PTH2R: variants seen among roughly 807,000 people sequenced by gnomAD.
The protein encoded by PTH2R is parathyroid hormone 2 receptor, also known as PTH2 receptor.
In PTH2R, 59 loss-of-function variants were observed where a neutral mutation model predicts 60.3. The ratio of observed to expected loss-of-function variants is 0.98; its 90% CI spans 0.79 to 1.22. The LOEUF is 1.22. Ranked by LOEUF, PTH2R falls within the 50% of genes most tolerant of loss-of-function variation. The pLI is 0.00. For synonymous variants in PTH2R, 256 were observed against 243.8 expected (o/e 1.05, Z -0.47); for missense variants, 749 against 682.6 (o/e 1.10, Z -1.08).
intron 1 of PTH2R, among the ~76,000 whole-genome samples, chr2:208,374,816 T>A (rs1700765250): frequency 6.6e-6 from 1 of 152,040 alleles, no homozygotes; most frequent in African/African-American, 2.4e-5. Flanking sequence ...CAAATGACAT[T>A]TATTTTTAAA....
At chr2:208,377,523 G>C (rs1184610526) in intron 1 of PTH2R, among the ~76,000 whole-genome samples, 1 of 148,486 alleles carries the variant, frequency 6.7e-6, no homozygotes, top group Non-Finnish European at 1.5e-5. Context: ...CCTCCCAGAC[G>C]GGGCGGCTGG....
intron 1 of PTH2R, among the ~76,000 whole-genome samples, chr2:208,364,540 G>A (rs1158397860): frequency 1.3e-5 from 2 of 152,048 alleles, no homozygotes. Context: ...TTGGCCATGT[G>A]TACACAAGTT....
At chr2:208,426,246 A>G (rs972393632) in intron 1 of PTH2R, among the ~76,000 whole-genome samples, 1 of 152,198 alleles carries the variant, frequency 6.6e-6, no homozygotes, top group Non-Finnish European at 1.5e-5. Context: ...TTGGAATTTA[A>G]CATTTTATTT....
rs138149285 is a variant in PTH2R at position 208,490,612 on chromosome 2, T to C, written c.1216-27T>C. On this transcript the variant is annotated intron_variant, in intron 11 of 12. Coordinates refer to ENST00000272847, the MANE Select transcript of PTH2R (RefSeq NM_005048.4). The stretch of plus-strand genomic sequence containing the variant: ...GTGCTGTGAGTTTCTGAGTTGGCAG[T>C]GGGCTGACTTTCTCTTTTGTCTGCA... 39 of 1,599,594 alleles carry C rather than the reference T, an allele frequency of 2.4e-5. No homozygotes were observed. The East Asian group carries it at 3.4e-4, about 14-fold the overall frequency.
In PTH2R at chr2:208,444,736, C is replaced by G. The variant is rs114943165; in HGVS notation, c.702C>G (p.Ile234Met). 5 of 1,612,314 alleles carry G rather than the reference C, an allele frequency of 3.1e-6. No individual in the cohort carries two copies. In the South Asian group the frequency reaches 3.3e-5, roughly 11 times the overall value. The change falls in exon 7 of 13, where the codon ATC becomes ATG. Residue 234 changes from isoleucine to methionine, a missense_variant and splice_region_variant. Physicochemically the swap from Ile to Met is conservative, Grantham distance 10. Transcript: ENST00000272847. Reference protein sequence around the residue: ...EATSVDKSQYIGCKIAVVMFI... With the variant: ...EATSVDKSQYMGCKIAVVMFI... ...AAATTCTGGTTTATTTGTAATAGAT[C>G]GGGTGCAAGATTGCTGTTGTGATGT...
chr2:208,434,412 A>T (rs1463297957), intron 2 of PTH2R, among the ~76,000 whole-genome samples: 1 of 152,218 alleles, frequency 6.6e-6, no homozygotes, highest in Non-Finnish European at 1.5e-5. Context: ...AAAAATAAGC[A>T]TGATCTACAG....
At chr2:208,464,515 A>T (rs537054923) in intron 9 of PTH2R, among the ~76,000 whole-genome samples, 1 of 152,304 alleles carries the variant, frequency 6.6e-6, no homozygotes, top group Non-Finnish European at 1.5e-5. Context: ...ATGCACATGG[A>T]CACAGTATGA....
intron 1 of PTH2R, among the ~76,000 whole-genome samples, chr2:208,395,213 A>G (rs1701185880): frequency 6.6e-6 from 1 of 151,844 alleles, no homozygotes; most frequent in Non-Finnish European, 1.5e-5. Context: ...ATGCCTGGCT[A>G]ATTTTTTGTA....
rs1574922910 is a variant in PTH2R at position 208,494,199 on chromosome 2, A to T, written c.*540A>T. On this transcript the variant is annotated 3_prime_UTR_variant, in exon 13 of 13. Coordinates refer to ENST00000272847, the MANE Select transcript of PTH2R (RefSeq NM_005048.4). The stretch of plus-strand genomic sequence containing the variant: ...TAGTTGGCTGGACATTGATAAAATA[A>T]TGCATTTATAACAATTACATGTGTT... 6.6e-6 allele frequency: 1 copy of T among 152,278 alleles called. No homozygotes were observed. Among genetic ancestry groups the T allele is most frequent in the African/African-American group, 2.4e-5 (1 of 41,470 alleles). 9.4% of individuals were successfully genotyped at this position (152,278 alleles called of 1,614,324 possible).
chr2:208,489,044 TAGTCTTTGG>T lies in PTH2R; in HGVS notation c.1113_1121del (p.Phe372_Val374del). ...GCCAAATCGACACTGGTCCTGGTCC[TAGTCTTTGG>T]AGTGCATTACATCGTGTTCGTATGC... On this transcript the variant is annotated inframe_deletion, in exon 11 of 13. Coordinates refer to ENST00000272847, the MANE Select transcript of PTH2R (RefSeq NM_005048.4). The T allele has an allele frequency of 6.2e-7, 1 of 1,614,112 alleles. No homozygotes were observed. Among genetic ancestry groups the T allele is most frequent in the Non-Finnish European group, 8.5e-7 (1 of 1,180,016 alleles).
At chr2:208,449,688 G>T (rs576649979) in intron 7 of PTH2R, among the ~76,000 whole-genome samples, 1 of 152,086 alleles carries the variant, frequency 6.6e-6, no homozygotes, top group South Asian at 2.1e-4. Flanking sequence ...ACATTATTGT[G>T]CATATCATCA....
chr2:208,438,084 A>G (rs111468983), intron 4 of PTH2R, among the ~76,000 whole-genome samples: 2 of 152,230 alleles, frequency 1.3e-5, no homozygotes, highest in African/African-American at 4.8e-5. Context: ...CCTGGCTGAG[A>G]TACATACATC....
At position 208,489,168 on chromosome 2, in the gene PTH2R, G is replaced by C. The variant is rs761711834; in HGVS notation, c.1215+18G>C. 8 of 1,613,198 alleles carry C rather than the reference G, an allele frequency of 5.0e-6. No homozygotes were observed. The East Asian group carries it at 1.1e-4, about 22-fold the overall frequency. On this transcript the variant is annotated intron_variant, in intron 11 of 12. Coordinates refer to ENST00000272847, the MANE Select transcript of PTH2R (RefSeq NM_005048.4). ...CCTTTCAGGTAAAGGGTGCTGCCTA[G>C]TCATCTGATTCTTGTAATTTGCAGT...
chr2:208,442,686 A>G (rs117884027), intron 5 of PTH2R, among the ~76,000 whole-genome samples: 1 of 152,346 alleles, frequency 6.6e-6, no homozygotes, highest in East Asian at 1.9e-4. Flanking sequence ...TTAACCCAAT[A>G]AGTATGTACT....
At chr2:208,430,514 T>A (rs1701948185) in intron 2 of PTH2R, among the ~76,000 whole-genome samples, 1 of 151,844 alleles carries the variant, frequency 6.6e-6, no homozygotes, top group African/African-American at 2.4e-5. Flanking sequence ...ATTCTCAGCC[T>A]TTGTTGGTGA....
intron 1 of PTH2R, among the ~76,000 whole-genome samples, chr2:208,370,442 C>CAAA (rs71041305): frequency 2.9e-4 from 18 of 61,684 alleles, no homozygotes; most frequent in African/African-American, 1.1e-3. Context: ...GACTCCGTCT[C>CAAA]AAAAAAAAAA....
At chr2:208,414,464 C>T (rs1701599896) in intron 1 of PTH2R, among the ~76,000 whole-genome samples, 2 of 151,930 alleles carry the variant, frequency 1.3e-5, no homozygotes, top group African/African-American at 2.4e-5. Context: ...CATAGTATTC[C>T]CCCAAGTTCA....
intron 1 of PTH2R, among the ~76,000 whole-genome samples, chr2:208,389,946 G>A (rs1239839022): frequency 1.3e-5 from 2 of 152,096 alleles, no homozygotes; most frequent in Non-Finnish European, 2.9e-5. Context: ...AGGGTCTCGA[G>A]TTCCATGAGG....
chr2:208,397,192 A>G (rs1701226540), intron 1 of PTH2R, among the ~76,000 whole-genome samples: 1 of 152,122 alleles, frequency 6.6e-6, no homozygotes, highest in South Asian at 2.1e-4. Flanking sequence ...CATTAGGAGA[A>G]ATACCTAATG....
Sources: gnomAD v4.1 joint callset for allele counts (sites outside exome capture counted in the v4.1 genomes callset) on GRCh38, gnomAD v4.1.1 for gene constraint, MANE v1.5 for transcripts, NCBI Gene and HGNC (gene_info 2026-07-23, HGNC 2026-07-21) for gene names.